SLC35A3: variants seen among roughly 807,000 people sequenced by gnomAD.
The protein encoded by SLC35A3 is solute carrier family 35 member A3.
SLC35A3 carries 26 observed loss-of-function variants against 39.0 expected under a neutral mutation model. The ratio of observed to expected loss-of-function variants is 0.67; its 90% CI spans 0.49 to 0.92. SLC35A3 has a LOEUF of 0.92. SLC35A3 is among the 40% of genes least tolerant of loss of function. SLC35A3 has a pLI of 0.00. For missense variants in SLC35A3, 299 were observed against 371.6 expected (o/e 0.80, Z 1.61); for synonymous variants, 135 against 133.1 (o/e 1.01, Z -0.10).
intron 1 of SLC35A3, among the ~76,000 whole-genome samples, chr1:99,990,811 T>C (rs1194005728): frequency 6.6e-6 from 1 of 151,878 alleles, no homozygotes. Flanking sequence ...CTTTGGGAGG[T>C]AATTAGGTCA....
chr1:99,991,046 T>TA (rs1658051593), intron 1 of SLC35A3, among the ~76,000 whole-genome samples: 1 of 152,226 alleles, frequency 6.6e-6, no homozygotes, highest in Non-Finnish European at 1.5e-5. Context: ...CAGTCTATGA[T>TA]ACTTTGTTAC....
At chr1:100,018,995 T>C (rs1379577102) in intron 7 of SLC35A3, among the ~76,000 whole-genome samples, 3 of 152,174 alleles carry the variant, frequency 2.0e-5, no homozygotes, top group Non-Finnish European at 4.4e-5. Context: ...TGGAAATGAA[T>C]CACTTAGCTA....
rs1363540791 is a variant in SLC35A3 at position 100,024,849 on chromosome 1, T to C, written c.*2373T>C. 5.2e-6 allele frequency: 2 copies of C among 386,110 alleles called. No individual in the cohort carries two copies. Among genetic ancestry groups the C allele is most frequent in the African/African-American group, 4.1e-5 (2 of 48,248 alleles). The allele number at this position is 386,110 out of a possible 1,614,324, so 23.9% of individuals were successfully genotyped here. A position where few individuals can be genotyped will look rare whatever the true frequency, so the allele number is the denominator to read the frequency against. On this transcript the variant is annotated 3_prime_UTR_variant, in exon 8 of 8. Coordinates refer to ENST00000533028, the MANE Select transcript of SLC35A3 (RefSeq NM_012243.3). ...AAACTGTAAAAAATAAGTATTTTTA[T>C]ATAGCTCTCATGGATTTTATTAAAC... is the stretch of plus-strand genomic sequence containing the variant.
At chr1:100,000,848 ATGTTTACATCTTTAATCCATTT>A (rs1377239435) in intron 3 of SLC35A3, 1 of 151,486 alleles carries the variant, frequency 6.6e-6, no homozygotes, top group Non-Finnish European at 1.5e-5. Flanking sequence ...TTTGAGTCTT[ATGTTTACATCTTTAATCCATTT>A]TGGGTTTTTT....
At position 100,011,380 on chromosome 1, in the gene SLC35A3, C is replaced by T. The variant is rs1553203137; in HGVS notation, c.481C>T (p.Gln161Ter). Residue 161 changes from glutamine to a stop codon, truncating the protein, a stop_gained, in exon 5 of 8, where the codon CAG becomes TAG. Coordinates refer to ENST00000533028, the MANE Select transcript of SLC35A3 (RefSeq NM_012243.3). LOFTEE classifies it high-confidence loss of function. The stretch of plus-strand genomic sequence containing the variant: ...TCTTATTTAGTGGCCCTCAGATTCT[C>T]AGCTTGATTCTAAGGAACTTTCAGC... Reference protein sequence around the residue: ...VAFVQWPSDSQLDSKELSAGS... With the variant: ...VAFVQWPSDS 3 of 1,526,992 alleles carry T rather than the reference C, an allele frequency of 2.0e-6. No individual in the cohort carries two copies. Among genetic ancestry groups the T allele is most frequent in the Non-Finnish European group, 2.7e-6 (3 of 1,131,614 alleles). 94.6% of individuals were successfully genotyped at this position (1,526,992 alleles called of 1,614,324 possible). A position where few individuals can be genotyped will look rare whatever the true frequency, so the allele number is the denominator to read the frequency against.
intron 1 of SLC35A3, among the ~76,000 whole-genome samples, chr1:99,971,909 C>CT (rs1557815515): frequency 6.6e-6 from 1 of 151,774 alleles, no homozygotes; most frequent in South Asian, 2.1e-4. Context: ...TTCTTTTTCT[C>CT]TTTTTTTGAG....
intron 1 of SLC35A3, among the ~76,000 whole-genome samples, chr1:99,977,052 A>C (rs1215237261): frequency 6.6e-6 from 1 of 152,222 alleles, no homozygotes; most frequent in African/African-American, 2.4e-5. Context: ...TGTTTCAGTT[A>C]AATTATTTTC....
intron 1 of SLC35A3, among the ~76,000 whole-genome samples, chr1:99,988,487 T>TTTAAGAG (rs1657878698): frequency 1.3e-5 from 2 of 152,192 alleles, no homozygotes; most frequent in Admixed American, 1.3e-4. Context: ...CTCTTATAAA[T>TTTAAGAG]ATTCATGTAC....
At chr1:99,972,831 GTACCTCATTTGA>G (rs1271150787) in intron 1 of SLC35A3, among the ~76,000 whole-genome samples, 3 of 152,118 alleles carry the variant, frequency 2.0e-5, no homozygotes, top group African/African-American at 7.2e-5. Context: ...CCATGTTTTA[GTACCTCATTTGA>G]TCCTAGTAAT....
chr1:100,004,682 T>A (rs1367812085), intron 3 of SLC35A3, among the ~76,000 whole-genome samples: 1 of 152,038 alleles, frequency 6.6e-6, no homozygotes, highest in South Asian at 2.1e-4. Flanking sequence ...TTTTAAAAAA[T>A]TTATTTACCT....
At position 100,034,909 on chromosome 1, in the gene SLC35A3, A is replaced by G. The variant is rs1282084496; in HGVS notation, c.*12433A>G. 1.3e-5 allele frequency: 2 copies of G among 152,082 alleles called. No homozygotes were observed. The highest frequency in any genetic ancestry group is 2.9e-5 in the Non-Finnish European group (2 of 68,012). The allele number at this position is 152,082 out of a possible 1,614,324, so 9.4% of individuals were successfully genotyped here. On this transcript the variant is annotated 3_prime_UTR_variant, in exon 8 of 8. Transcript: ENST00000533028. Reference sequence around the variant, plus strand: ...TCTAAGCCTGATTCTTGGCCTTCTCATTAATTTTCAAAACTTCCAATATCC... The same window carrying G: ...TCTAAGCCTGATTCTTGGCCTTCTCGTTAATTTTCAAAACTTCCAATATCC...
chr1:99,993,606 A>G lies in SLC35A3; in HGVS notation c.52A>G (p.Thr18Ala). 3 of 1,614,058 alleles carry G rather than the reference A, an allele frequency of 1.9e-6. No individual in the cohort carries two copies. Among genetic ancestry groups the G allele is most frequent in the Non-Finnish European group, 2.5e-6 (3 of 1,179,962 alleles). Reference sequence around the variant, plus strand: ...CCTGGGAATTTTGGTCTTTCAGACTACCAGTTTGGTTCTAACAATGCGTTA... The same window carrying G: ...CCTGGGAATTTTGGTCTTTCAGACTGCCAGTTTGGTTCTAACAATGCGTTA... ...VSLGILVFQTTSLVLTMRYSR... is the reference protein window; with the variant it reads ...VSLGILVFQTASLVLTMRYSR... The change falls in exon 2 of 8, where the codon ACC becomes GCC. Residue 18 changes from threonine (T) to alanine (A), a missense_variant. Physicochemically the swap from Thr to Ala is moderately conservative, Grantham distance 58. Transcript: ENST00000533028.
intron 4 of SLC35A3, chr1:100,008,880 G>T (rs945774076): frequency 1.6e-4 from 25 of 152,078 alleles, no homozygotes; most frequent in Non-Finnish European, 5.9e-5. Context: ...TTCCTAGAAG[G>T]CAGCAGCTGT....
rs1029016568 is a variant in SLC35A3 at position 100,026,892 on chromosome 1, ACTTCT to A, written c.*4420_*4424del. ...TGTTAAATGGCTTTTTAATTGATAA[ACTTCT>A]CTTGTCATTTTTTGGTATCCAGCTA... On this transcript the variant is annotated 3_prime_UTR_variant, in exon 8 of 8. Coordinates refer to ENST00000533028, the MANE Select transcript of SLC35A3 (RefSeq NM_012243.3). 2.1e-4 allele frequency: 64 copies of A among 300,070 alleles called. No homozygotes were observed. The highest frequency in any genetic ancestry group is 3.5e-4 in the Non-Finnish European group (58 of 165,718). The allele number at this position is 300,070 out of a possible 1,614,324, so 18.6% of individuals were successfully genotyped here.
intron 2 of SLC35A3, among the ~76,000 whole-genome samples, chr1:99,996,327 C>G (rs1185922368): frequency 2.0e-5 from 3 of 152,062 alleles, no homozygotes; most frequent in Non-Finnish European, 4.4e-5. Flanking sequence ...TAATTAATAT[C>G]CAGAATTACA....
chr1:100,013,988 A>G (rs1191367342), intron 5 of SLC35A3, among the ~76,000 whole-genome samples: 1 of 152,184 alleles, frequency 6.6e-6, no homozygotes, highest in Non-Finnish European at 1.5e-5. Flanking sequence ...GAATTTCTTT[A>G]TTAATAGCCT....
chr1:100,027,113 C>A lies in SLC35A3; in HGVS notation c.*4637C>A. 1 of 398,412 alleles carries A rather than the reference C, an allele frequency of 2.5e-6. No homozygotes were observed. The highest frequency in any genetic ancestry group is 1.3e-4 in the South Asian group (1 of 7,818). The allele number at this position is 398,412 out of a possible 1,614,324, so 24.7% of individuals were successfully genotyped here. On this transcript the variant is annotated 3_prime_UTR_variant, in exon 8 of 8. Coordinates refer to ENST00000533028, the MANE Select transcript of SLC35A3 (RefSeq NM_012243.3). Reference sequence around the variant, plus strand: ...GGCTCTGTAGTATCTCTATCACTGTCACATGTGATCTTTCTTCCTTTTCTC... The same window carrying A: ...GGCTCTGTAGTATCTCTATCACTGTAACATGTGATCTTTCTTCCTTTTCTC...
chr1:99,992,385 A>AT (rs1057348288), intron 1 of SLC35A3, among the ~76,000 whole-genome samples: 1 of 151,812 alleles, frequency 6.6e-6, no homozygotes, highest in Non-Finnish European at 1.5e-5. Context: ...AGTTTCTTTA[A>AT]TTTTTTTAGT....
At position 99,993,593 on chromosome 1, in the gene SLC35A3, G is replaced by T; in HGVS notation, c.39G>T (p.Leu13Phe). 1.9e-6 allele frequency: 3 copies of T among 1,613,582 alleles called. No homozygotes were observed. Among genetic ancestry groups the T allele is most frequent in the Non-Finnish European group, 2.5e-6 (3 of 1,179,826 alleles). Residue 13 changes from leucine (L) to phenylalanine (F), a missense_variant, in exon 2 of 8, where the codon TTG (leucine) becomes TTT (phenylalanine). Physicochemically the swap from Leu to Phe is conservative, Grantham distance 22. Coordinates refer to ENST00000533028, the MANE Select transcript of SLC35A3 (RefSeq NM_012243.3). ...ANLKYVSLGILVFQTTSLVLT... is the reference protein window; with the variant it reads ...ANLKYVSLGIFVFQTTSLVLT... The stretch of plus-strand genomic sequence containing the variant: ...TAAAATACGTTTCCCTGGGAATTTT[G>T]GTCTTTCAGACTACCAGTTTGGTTC...
Sources: gnomAD v4.1 joint callset for allele counts (sites outside exome capture counted in the v4.1 genomes callset) on GRCh38, gnomAD v4.1.1 for gene constraint, MANE v1.5 for transcripts, NCBI Gene and HGNC (gene_info 2026-07-23, HGNC 2026-07-21) for gene names.